RSU1: variants seen among roughly 807,000 people sequenced by gnomAD.
RSU1 encodes the protein rsu-1.
RSU1 carries 26 observed loss-of-function variants against 31.1 expected under a neutral mutation model. The ratio of observed to expected loss-of-function variants is 0.84; its 90% CI spans 0.61 to 1.16. RSU1 has a LOEUF of 1.16. RSU1 is among the 50% of genes most tolerant of loss of function. RSU1 has a pLI of 0.00. For synonymous variants in RSU1, 164 were observed against 136.3 expected (o/e 1.20, Z -1.41); for missense variants, 320 against 339.1 (o/e 0.94, Z 0.44).
chr10:16,629,024 T>C (rs1834204190), intron 8 of RSU1, among the ~76,000 whole-genome samples: 1 of 152,194 alleles, frequency 6.6e-6, no homozygotes, highest in East Asian at 1.9e-4. Context: ...TGCATCACTC[T>C]TGGCCACAGC....
intron 2 of RSU1, among the ~76,000 whole-genome samples, chr10:16,810,611 G>A (rs1344860282): frequency 6.6e-6 from 1 of 152,176 alleles, no homozygotes; most frequent in South Asian, 2.1e-4. Context: ...GGGTGTGCTG[G>A]TTTGACAAGA....
intron 3 of RSU1, among the ~76,000 whole-genome samples, chr10:16,773,559 C>G (rs1440593742): frequency 6.6e-6 from 1 of 152,202 alleles, no homozygotes; most frequent in African/African-American, 2.4e-5. Context: ...GCAGGGGACA[C>G]GGCGGAGCAG....
chr10:16,734,806 A>G (rs12098611), intron 7 of RSU1, among the ~76,000 whole-genome samples: 19,669 of 152,220 alleles, frequency 0.13, 3,223 homozygotes, highest in African/African-American at 0.39. Context: ...TCAATATCTC[A>G]GAATGTGACT....
At position 16,645,068 on chromosome 10, in the gene RSU1, G is replaced by C. The variant is rs1834510968; in HGVS notation, c.731+49955C>G. On this transcript the variant is annotated intron_variant, in intron 8 of 8. Transcript: ENST00000345264. ...CAGTCTTGTTGGAATGGGTCCAGAA[G>C]TTTCAAGATACAAATATATTTTTCC... is the stretch of plus-strand genomic sequence containing the variant. Among the ~76,000 whole-genome samples the C allele has an allele frequency of 2.0e-5, 3 of 152,300 alleles. No individual in the cohort carries two copies. In the South Asian group the frequency reaches 6.2e-4, roughly 32 times the overall value.
At chr10:16,798,748 G>C (rs575187830) in intron 2 of RSU1, among the ~76,000 whole-genome samples, 1 of 152,226 alleles carries the variant, frequency 6.6e-6, no homozygotes, top group Non-Finnish European at 1.5e-5. Context: ...AATCAGACCA[G>C]AATGACCTAC....
intron 3 of RSU1, among the ~76,000 whole-genome samples, chr10:16,775,475 G>A (rs896023573): frequency 1.3e-5 from 2 of 152,050 alleles, no homozygotes; most frequent in Middle Eastern, 3.2e-3. Context: ...AAGGATTCTA[G>A]AACAGGTACA....
intron 7 of RSU1, among the ~76,000 whole-genome samples, chr10:16,718,343 T>C (rs1836186649): frequency 1.3e-5 from 2 of 152,224 alleles, no homozygotes; most frequent in Non-Finnish European, 2.9e-5. Flanking sequence ...GTAGCAAGAA[T>C]CATTTTAAAC....
At chr10:16,792,609 G>A (rs892975906) in intron 2 of RSU1, among the ~76,000 whole-genome samples, 1 of 152,168 alleles carries the variant, frequency 6.6e-6, no homozygotes, top group African/African-American at 2.4e-5. Context: ...ATTCAAAGGA[G>A]TCTGCCTTGT....
At chr10:16,631,958 C>G (rs1321513133) in intron 8 of RSU1, among the ~76,000 whole-genome samples, 1 of 152,146 alleles carries the variant, frequency 6.6e-6, no homozygotes, top group Non-Finnish European at 1.5e-5. Flanking sequence ...GTGATTGATT[C>G]TGGAAGAGTC....
chr10:16,798,517 C>G (rs2131668494), intron 2 of RSU1, among the ~76,000 whole-genome samples: 1 of 152,238 alleles, frequency 6.6e-6, no homozygotes, highest in South Asian at 2.1e-4. Flanking sequence ...TCCCCCTTCG[C>G]TCAGCACTTC....
chr10:16,661,487 C>T (rs1834890620), intron 8 of RSU1, among the ~76,000 whole-genome samples: 1 of 152,102 alleles, frequency 6.6e-6, no homozygotes, highest in East Asian at 1.9e-4. Context: ...ATGTAGTTTC[C>T]ATGACCTGGC....
intron 7 of RSU1, among the ~76,000 whole-genome samples, chr10:16,750,569 T>C (rs1342856756): frequency 1.3e-5 from 2 of 152,188 alleles, no homozygotes; most frequent in African/African-American, 4.8e-5. Context: ...CAAATTACTG[T>C]CTGATAAAAT....
intron 8 of RSU1, among the ~76,000 whole-genome samples, chr10:16,624,066 C>A (rs993102549): frequency 6.6e-5 from 10 of 152,112 alleles, no homozygotes; most frequent in African/African-American, 2.4e-4. Context: ...TTACCCATAA[C>A]TAGGTATTGT....
chr10:16,670,197 T>C (rs1835080049), intron 8 of RSU1, among the ~76,000 whole-genome samples: 1 of 152,192 alleles, frequency 6.6e-6, no homozygotes, highest in South Asian at 2.1e-4. Flanking sequence ...CGTAGAACAT[T>C]TTAAATTACA....
intron 3 of RSU1, among the ~76,000 whole-genome samples, chr10:16,780,633 T>C (rs981122301): frequency 7.2e-5 from 11 of 152,198 alleles, no homozygotes; most frequent in Non-Finnish European, 1.0e-4. Flanking sequence ...AATTAAGAAA[T>C]ACTTTACTAA....
intron 8 of RSU1, among the ~76,000 whole-genome samples, chr10:16,627,227 T>C (rs56140627): frequency 0.042 from 6,328 of 152,328 alleles, 440 homozygotes; most frequent in African/African-American, 0.14. Flanking sequence ...CCCTCCGTTA[T>C]AGCCAGAAAC....
At chr10:16,726,215 AAT>A (rs1836389662) in intron 7 of RSU1, among the ~76,000 whole-genome samples, 1 of 151,846 alleles carries the variant, frequency 6.6e-6, no homozygotes, top group Non-Finnish European at 1.5e-5. Flanking sequence ...TTCATTTGTC[AAT>A]ATAGTTACCT....
chr10:16,770,993 C>G (rs1441621726), intron 3 of RSU1, among the ~76,000 whole-genome samples: 1 of 143,146 alleles, frequency 7.0e-6, no homozygotes, highest in Non-Finnish European at 1.5e-5. Flanking sequence ...AAGTTTTTGT[C>G]TGTTGTCATA....
At chr10:16,688,044 T>A (rs1425715125) in intron 8 of RSU1, among the ~76,000 whole-genome samples, 6 of 152,172 alleles carry the variant, frequency 3.9e-5, no homozygotes, top group African/African-American at 1.4e-4. Context: ...GTATTACATA[T>A]TGGCTTACTT....
Sources: allele counts gnomAD v4.1 joint callset (sites outside exome capture counted in the v4.1 genomes callset), GRCh38; gene constraint gnomAD v4.1.1; transcripts MANE v1.5; gene names NCBI Gene and HGNC (gene_info 2026-07-23, HGNC 2026-07-21).